The following PSMD14 variants were observed in gnomAD, a reference collection of about 807,000 sequenced individuals.
PSMD14 encodes proteasome 26S subunit, non-ATPase 14.
PSMD14 carries 7 observed loss-of-function variants against 41.2 expected under a neutral mutation model. That is an observed-to-expected ratio of 0.17 (90% CI 0.10 to 0.32). The LOEUF is 0.32. PSMD14 is among the 10% of genes least tolerant of loss of function. PSMD14 has a pLI of 1.00. For synonymous variants in PSMD14, 114 were observed against 122.3 expected, an observed-to-expected ratio of 0.93 and a Z score of 0.45; for missense variants, 139 against 375.6, an observed-to-expected ratio of 0.37 and a Z score of 5.21.
intron 10 of PSMD14, among the ~76,000 whole-genome samples, chr2:161,395,717 T>C (rs1559054302): frequency 6.6e-6 from 1 of 152,220 alleles, no homozygotes; most frequent in Non-Finnish European, 1.5e-5. Flanking sequence ...GTTGAAAACC[T>C]ACAATTTTAA....
chr2:161,321,703 A>G (rs1351582794), intron 3 of PSMD14, among the ~76,000 whole-genome samples: 1 of 152,126 alleles, frequency 6.6e-6, no homozygotes, highest in Non-Finnish European at 1.5e-5. Context: ...AACTGACAAA[A>G]CTCAAGAAAG....
At chr2:161,357,903 CTT>C (rs11412874) in intron 3 of PSMD14, among the ~76,000 whole-genome samples, 1 of 146,204 alleles carries the variant, frequency 6.8e-6, no homozygotes, top group Non-Finnish European at 1.5e-5. Context: ...ACTTCCTGTT[CTT>C]TTTTTTTTTT....
At chr2:161,331,318 G>A (rs907174998) in intron 3 of PSMD14, among the ~76,000 whole-genome samples, 5 of 151,526 alleles carry the variant, frequency 3.3e-5, no homozygotes, top group African/African-American at 9.7e-5. Context: ...GCTAGAGTGC[G>A]GTGGTGCGAT....
At chr2:161,375,851 A>C (rs1683495875) in intron 7 of PSMD14, among the ~76,000 whole-genome samples, 1 of 151,836 alleles carries the variant, frequency 6.6e-6, no homozygotes, top group Non-Finnish European at 1.5e-5. Context: ...GTGCGACATG[A>C]TGAAACTCTG....
At chr2:161,341,298 G>GCGGCCAGCAGCT (rs1432290933) in intron 3 of PSMD14, 1 of 1,020,154 alleles carries the variant, frequency 9.8e-7, no homozygotes, top group African/African-American at 1.7e-5. Context: ...CGCAGGCAGC[G>GCGGCCAGCAGCT]CGGCCAGCAG....
rs79699224 is a variant in PSMD14 at position 161,366,722 on chromosome 2, T to C, written c.49-756T>C. Among the ~76,000 whole-genome samples the C allele has an allele frequency of 3.9e-5, 6 of 152,162 alleles. No homozygotes were observed. In the East Asian group the frequency reaches 7.7e-4, roughly 20 times the overall value. On this transcript the variant is annotated intron_variant, in intron 3 of 11. Coordinates refer to ENST00000409682, the MANE Select transcript of PSMD14 (RefSeq NM_005805.6). ...TCACATTTATAAGATTATAGGCATC[T>C]TGAGGGTAAGAACTATATGTCAGTT...
chr2:161,402,978 T>C (rs912792199), intron 10 of PSMD14, among the ~76,000 whole-genome samples: 83 of 152,206 alleles, frequency 5.5e-4, no homozygotes, highest in African/African-American at 1.6e-3. Flanking sequence ...TGGAAAACAG[T>C]TTGGTGGTTC....
intron 10 of PSMD14, among the ~76,000 whole-genome samples, chr2:161,404,202 C>T (rs780613873): frequency 1.8e-4 from 28 of 152,078 alleles, no homozygotes; most frequent in Admixed American, 4.6e-4. Flanking sequence ...AGCCACTATG[C>T]CCAGCCTAAT....
At chr2:161,331,479 C>G (rs977074093) in intron 3 of PSMD14, among the ~76,000 whole-genome samples, 1 of 152,018 alleles carries the variant, frequency 6.6e-6, no homozygotes, top group African/African-American at 2.4e-5. Context: ...AGGCTGGTCT[C>G]GAACTCCTGA....
intron 9 of PSMD14, 64 bp from the exon 10 acceptor site, chr2:161,395,014 C>G (rs879246386): frequency 7.0e-6 from 8 of 1,142,612 alleles, no homozygotes; most frequent in African/African-American, 1.7e-5. Context: ...AGTTTTTTTT[C>G]TCTAGACAAT....
intron 9 of PSMD14, among the ~76,000 whole-genome samples, chr2:161,392,077 G>A (rs1683720012): frequency 1.3e-5 from 2 of 152,024 alleles, no homozygotes; most frequent in East Asian, 3.9e-4. Flanking sequence ...ATTCTCATTT[G>A]TTTCTATTTT....
intron 3 of PSMD14, among the ~76,000 whole-genome samples, chr2:161,353,879 C>CTTTG (rs1263142202): frequency 1.3e-5 from 2 of 152,052 alleles, no homozygotes; most frequent in African/African-American, 4.8e-5. Context: ...TCATACATGG[C>CTTTG]TTTGCATATT....
rs1574115564 is a variant in PSMD14 at position 161,324,632 on chromosome 2, T to C, written c.48+5759T>C. Among the ~76,000 whole-genome samples the C allele has an allele frequency of 3.3e-5, 5 of 151,368 alleles. No individual in the cohort carries two copies. In the East Asian group the frequency reaches 9.7e-4, roughly 29 times the overall value. Reference sequence around the variant, plus strand: ...TAGTTTCATGAAGATTTTCTTTCTTTCTTTTTTTTTTTTTTGAAGTATGAA... The same window carrying C: ...TAGTTTCATGAAGATTTTCTTTCTTCCTTTTTTTTTTTTTTGAAGTATGAA... On this transcript the variant is annotated intron_variant, in intron 3 of 11. Transcript: ENST00000409682.
At chr2:161,386,488 T>C (rs988406933) in intron 8 of PSMD14, among the ~76,000 whole-genome samples, 2 of 151,748 alleles carry the variant, frequency 1.3e-5, no homozygotes, top group Non-Finnish European at 2.9e-5. Context: ...TGCTTAATTT[T>C]GGGGCAGTCA....
At chr2:161,387,134 G>A (rs761133757) in intron 8 of PSMD14, among the ~76,000 whole-genome samples, 6 of 151,690 alleles carry the variant, frequency 4.0e-5, no homozygotes, top group Non-Finnish European at 8.8e-5. Context: ...TTTATATAGC[G>A]CCTACCAGAA....
At chr2:161,392,063 T>C (rs1683719768) in intron 9 of PSMD14, among the ~76,000 whole-genome samples, 1 of 152,202 alleles carries the variant, frequency 6.6e-6, no homozygotes, top group South Asian at 2.1e-4. Context: ...TTTGATGAAT[T>C]AGCATTCTCA....
In PSMD14 at chr2:161,340,426, A is replaced by G. The variant is rs1256317031; in HGVS notation, c.48+21553A>G. ...TGTGGTTTGGCTTCAGTGAGGGCAA[A>G]AGAGGGGGGACTGGAGTGAAAGTGA... On this transcript the variant is annotated intron_variant, in intron 3 of 11. Coordinates refer to ENST00000409682, the MANE Select transcript of PSMD14 (RefSeq NM_005805.6). Among the ~76,000 whole-genome samples the G allele has an allele frequency of 3.9e-5, 6 of 152,148 alleles. No individual in the cohort carries two copies. In the South Asian group the frequency reaches 8.3e-4, roughly 21 times the overall value.
intron 3 of PSMD14, among the ~76,000 whole-genome samples, chr2:161,320,987 A>G (rs530409054): frequency 3.3e-5 from 5 of 152,314 alleles, no homozygotes; most frequent in East Asian, 1.9e-4. Context: ...CGGCCTCCCA[A>G]AGTGCTGGGA....
At chr2:161,391,068 T>C (rs746508470) in intron 8 of PSMD14, 36 bp from the exon 9 acceptor site, 8 of 1,421,610 alleles carry the variant, frequency 5.6e-6, no homozygotes, top group African/African-American at 4.4e-5. Flanking sequence ...GTGAAAAATA[T>C]TAATTTGTCC....
Sources: allele counts gnomAD v4.1 joint callset (sites outside exome capture counted in the v4.1 genomes callset), GRCh38; gene constraint gnomAD v4.1.1; transcripts MANE v1.5; gene names NCBI Gene and HGNC (gene_info 2026-07-23, HGNC 2026-07-21).